Variants in TNR observed in about 807,000 individuals in gnomAD.
TNR encodes the protein tenascin-R.
TNR carries 45 observed loss-of-function variants against 150.4 expected under a neutral mutation model. That is an observed-to-expected ratio of 0.30 (90% CI 0.24 to 0.38). The LOEUF is 0.38. TNR is among the 10% of genes least tolerant of loss of function. The pLI, the probability that TNR is intolerant of heterozygous loss-of-function variation, is 1.00. For missense variants in TNR, 1,544 were observed against 1,759.1 expected (o/e 0.88, Z 2.19); for synonymous variants, 687 against 678.4 (o/e 1.01, Z -0.20).
chr1:175,554,419 A>T (rs1661070389), intron 1 of TNR, among the ~76,000 whole-genome samples: 1 of 151,650 alleles, frequency 6.6e-6, no homozygotes, highest in African/African-American at 2.4e-5. Context: ...GCTGGTGCTC[A>T]TCAGAGTACA....
chr1:175,572,455 G>A (rs1486857604), intron 1 of TNR, among the ~76,000 whole-genome samples: 1 of 152,240 alleles, frequency 6.6e-6, no homozygotes, highest in Middle Eastern at 3.4e-3. Flanking sequence ...AAAATGGACA[G>A]ATAATGTCCC....
At chr1:175,567,114 GTCC>G (rs1464760569) in intron 1 of TNR, among the ~76,000 whole-genome samples, 1 of 152,128 alleles carries the variant, frequency 6.6e-6, no homozygotes, top group Non-Finnish European at 1.5e-5. Flanking sequence ...CCTTTTATTA[GTCC>G]TCCTGTTCAA....
At chr1:175,558,781 G>A (rs1378662698) in intron 1 of TNR, among the ~76,000 whole-genome samples, 1 of 152,146 alleles carries the variant, frequency 6.6e-6, no homozygotes, top group African/African-American at 2.4e-5. Context: ...TCAGTATGGA[G>A]AGGGATGAGT....
intron 2 of TNR, among the ~76,000 whole-genome samples, chr1:175,462,503 A>G (rs1656864071): frequency 6.6e-6 from 1 of 152,216 alleles, no homozygotes; most frequent in Non-Finnish European, 1.5e-5. Context: ...TTCTAGACAC[A>G]CACCCTCATT....
At chr1:175,536,267 A>C (rs1660277525) in intron 1 of TNR, among the ~76,000 whole-genome samples, 1 of 152,226 alleles carries the variant, frequency 6.6e-6, no homozygotes, top group Non-Finnish European at 1.5e-5. Flanking sequence ...TTTTTCAACC[A>C]TGCCTTTTTT....
chr1:175,379,442 G>A, intron 9 of TNR, 110 bp downstream of exon 9: 1 of 919,266 alleles, frequency 1.1e-6, no homozygotes, highest in Non-Finnish European at 1.7e-6. Context: ...CTTAAGAGAT[G>A]AGATCAATAG....
chr1:175,480,386 G>T (rs1210365816), intron 2 of TNR, among the ~76,000 whole-genome samples: 1 of 114,116 alleles, frequency 8.8e-6, no homozygotes, highest in East Asian at 2.7e-4. Context: ...AAAGGAAAGA[G>T]AAGAAAGAAA....
chr1:175,690,414 G>T (rs116187736), intron 1 of TNR, among the ~76,000 whole-genome samples: 3,502 of 152,286 alleles, frequency 0.023, 124 homozygotes, highest in African/African-American at 0.076. Flanking sequence ...CTTCTAGATG[G>T]GGTGACCAGG....
chr1:175,341,295 C>A (rs1213556655), intron 18 of TNR, among the ~76,000 whole-genome samples: 2 of 152,202 alleles, frequency 1.3e-5, no homozygotes, highest in African/African-American at 4.8e-5. Context: ...GAAGGTTTTT[C>A]TTCCTTTTGG....
chr1:175,331,926 C>CT (rs1288791162), intron 20 of TNR, among the ~76,000 whole-genome samples: 15 of 152,202 alleles, frequency 9.9e-5, no homozygotes, highest in Non-Finnish European at 1.5e-5. Context: ...AGACTTAGAG[C>CT]TTTACCTTGA....
At chr1:175,371,836 A>C (rs1652118721) in intron 9 of TNR, among the ~76,000 whole-genome samples, 1 of 152,184 alleles carries the variant, frequency 6.6e-6, no homozygotes, top group Non-Finnish European at 1.5e-5. Flanking sequence ...CATGGTTCCC[A>C]TCCCTGAGTC....
chr1:175,526,354 C>A (rs960693626), intron 2 of TNR, among the ~76,000 whole-genome samples: 1 of 152,126 alleles, frequency 6.6e-6, no homozygotes, highest in Non-Finnish European at 1.5e-5. Flanking sequence ...CATAGATTAT[C>A]ACAATTGAAG....
At position 175,426,771 on chromosome 1, in the gene TNR, A is replaced by ATAT. The variant is rs67513172; in HGVS notation, c.-63-19995_-63-19994insATA. 6.8e-3 allele frequency among the ~76,000 whole-genome samples: 904 copies of ATAT among 132,484 alleles called. 26 individuals are homozygous for ATAT. The highest frequency in any genetic ancestry group is 9.7e-3 in the Non-Finnish European group (600 of 61,728). 86.9% of individuals were successfully genotyped at this position (132,484 alleles called of 152,430 possible). On this transcript the variant is annotated intron_variant, in intron 2 of 22. Transcript: ENST00000367674. ...ATCTATACACGCGTGTGTGTGTATA[A>ATAT]ATATATATACAGGTGTGTGTGTATA...
rs1227451938 is a variant in TNR, at chr1:175,436,058, G to T, written c.-63-29281C>A. ...GTGGGTAACCTGACCTTTCTCTCTG[G>T]CTGCCCTTAACATTTTTTCCTTCAT... On this transcript the variant is annotated intron_variant, in intron 2 of 22. Coordinates refer to ENST00000367674, the MANE Select transcript of TNR (RefSeq NM_003285.3). Among the ~76,000 whole-genome samples, 3 of 152,246 alleles carry T rather than the reference G, an allele frequency of 2.0e-5. No individual in the cohort carries two copies. In the East Asian group the frequency reaches 5.8e-4, roughly 29 times the overall value.
At chr1:175,712,628 C>A (rs1443702923) in intron 1 of TNR, among the ~76,000 whole-genome samples, 2 of 151,990 alleles carry the variant, frequency 1.3e-5, no homozygotes, top group Non-Finnish European at 2.9e-5. Context: ...AGAGCAGATC[C>A]CTCATGAATG....
chr1:175,711,855 G>A (rs1157951881), intron 1 of TNR, among the ~76,000 whole-genome samples: 1 of 152,194 alleles, frequency 6.6e-6, no homozygotes, highest in Non-Finnish European at 1.5e-5. Flanking sequence ...TGAGTTGTGG[G>A]CAGGGCATGT....
At chr1:175,592,003 A>G (rs1662818675) in intron 1 of TNR, among the ~76,000 whole-genome samples, 1 of 152,222 alleles carries the variant, frequency 6.6e-6, no homozygotes, top group African/African-American at 2.4e-5. Context: ...TTTCAATGTA[A>G]ATAAAAAATA....
chr1:175,644,081 T>C (rs1218140744), intron 1 of TNR, among the ~76,000 whole-genome samples: 1 of 152,218 alleles, frequency 6.6e-6, no homozygotes, highest in African/African-American at 2.4e-5. Flanking sequence ...TACAGAAATG[T>C]GTATTGCCTA....
intron 1 of TNR, among the ~76,000 whole-genome samples, chr1:175,712,609 T>C (rs1030000566): frequency 6.6e-6 from 1 of 152,126 alleles, no homozygotes; most frequent in Non-Finnish European, 1.5e-5. Context: ...GGGAGGTGTT[T>C]GAATCATGAG....
Sources: gnomAD v4.1 joint callset for allele counts (sites outside exome capture counted in the v4.1 genomes callset) on GRCh38, gnomAD v4.1.1 for gene constraint, MANE v1.5 for transcripts, NCBI Gene and HGNC (gene_info 2026-07-23, HGNC 2026-07-21) for gene names.